The following SLC24A3 variants were observed in gnomAD, a reference collection of about 807,000 sequenced individuals.
The protein encoded by SLC24A3 is sodium/potassium/calcium exchanger 3.
Under a neutral mutation model 75.8 loss-of-function variants are expected in SLC24A3, and 28 were observed. The observed-to-expected ratio is 0.37, with a 90% CI of 0.27 to 0.51. The LOEUF (loss-of-function observed/expected upper bound fraction) is 0.51, where lower values mean the gene tolerates loss of function less well. Among genes scored for constraint, SLC24A3 ranks in the 20% least tolerant of loss-of-function variants. The probability of loss-of-function intolerance (pLI) is 0.94; values close to 1 mark genes in which losing one functional copy is unlikely to be tolerated. For missense variants in SLC24A3, 663 were observed against 847.8 expected (o/e 0.78, Z 2.71); for synonymous variants, 372 against 334.1 (o/e 1.11, Z -1.24).
chr20:19,339,153 T>C (rs1011885406), intron 2 of SLC24A3, among the ~76,000 whole-genome samples: 1 of 152,158 alleles, frequency 6.6e-6, no homozygotes, highest in African/African-American at 2.4e-5. Flanking sequence ...TTCCAGAGCT[T>C]CCTTTTATAC....
At chr20:19,280,846 G>T (rs1983638826) in intron 1 of SLC24A3, 113 bp from the exon 2 acceptor site, 1 of 1,435,956 alleles carries the variant, frequency 7.0e-7, no homozygotes. Context: ...AGTGGCTGGG[G>T]GTGCAGGCGG....
chr20:19,595,615 T>C (rs1327027700), intron 6 of SLC24A3, among the ~76,000 whole-genome samples: 1 of 152,152 alleles, frequency 6.6e-6, no homozygotes, highest in African/African-American at 2.4e-5. Flanking sequence ...CATGTGGACT[T>C]CCATTCACTG....
At chr20:19,489,770 A>G (rs1988180148) in intron 2 of SLC24A3, among the ~76,000 whole-genome samples, 1 of 132,358 alleles carries the variant, frequency 7.6e-6, no homozygotes, top group Non-Finnish European at 1.6e-5. Flanking sequence ...ATATGTTCAG[A>G]AAACAGTTCA....
chr20:19,699,159 A>G (rs977038205), intron 15 of SLC24A3, among the ~76,000 whole-genome samples: 1 of 152,242 alleles, frequency 6.6e-6, no homozygotes, highest in African/African-American at 2.4e-5. Flanking sequence ...TGCAGAAACA[A>G]TTGGTGGGCC....
At chr20:19,385,682 C>G (rs1986260865) in intron 2 of SLC24A3, among the ~76,000 whole-genome samples, 1 of 151,006 alleles carries the variant, frequency 6.6e-6, no homozygotes. Flanking sequence ...CACTATGTCA[C>G]CCAGGTTGGA....
intron 6 of SLC24A3, among the ~76,000 whole-genome samples, chr20:19,592,977 G>A (rs900285413): frequency 1.3e-5 from 2 of 151,824 alleles, no homozygotes; most frequent in African/African-American, 4.8e-5. Context: ...TGTATTTTTA[G>A]TAGGGACAGG....
At chr20:19,480,624 A>T (rs1294431474) in intron 2 of SLC24A3, among the ~76,000 whole-genome samples, 3 of 152,154 alleles carry the variant, frequency 2.0e-5, no homozygotes, top group Non-Finnish European at 4.4e-5. Context: ...CAGCTCCTGG[A>T]ACCCTGCTCA....
intron 2 of SLC24A3, among the ~76,000 whole-genome samples, chr20:19,367,173 G>A (rs1335946974): frequency 6.6e-6 from 1 of 152,238 alleles, no homozygotes; most frequent in Non-Finnish European, 1.5e-5. Flanking sequence ...CATGTAGCTA[G>A]TAGCTCCCAA....
At chr20:19,245,490 G>A (rs1235050066) in intron 1 of SLC24A3, among the ~76,000 whole-genome samples, 2 of 152,254 alleles carry the variant, frequency 1.3e-5, no homozygotes, top group East Asian at 3.9e-4. Context: ...TTTTGAAGAA[G>A]ACAGTCAATA....
intron 2 of SLC24A3, among the ~76,000 whole-genome samples, chr20:19,501,103 A>G (rs990213611): frequency 6.6e-6 from 1 of 152,188 alleles, no homozygotes; most frequent in East Asian, 1.9e-4. Context: ...CTTTGTGCCA[A>G]TGACACAAAC....
chr20:19,585,004 A>G lies in SLC24A3; in HGVS notation c.457A>G (p.Thr153Ala). 6.2e-7 allele frequency: 1 copy of G among 1,613,896 alleles called. No homozygotes were observed. The highest frequency in any genetic ancestry group is 8.5e-7 in the Non-Finnish European group (1 of 1,179,802). Residue 153 changes from threonine (T) to alanine (A), a missense_variant, in exon 5 of 17, where the codon ACA becomes GCA. Coordinates refer to ENST00000328041, the MANE Select transcript of SLC24A3 (RefSeq NM_020689.4). ...CCTCAGTGAAGATGTGGCTGGGGCC[A>G]CATTCATGGCAGCGGGAAGTTCGGC... is the stretch of plus-strand genomic sequence containing the variant. ...LHLSEDVAGA[T>A]FMAAGSSAPE...
chr20:19,343,179 G>A (rs1985314581), intron 2 of SLC24A3, among the ~76,000 whole-genome samples: 1 of 151,800 alleles, frequency 6.6e-6, no homozygotes, highest in Non-Finnish European at 1.5e-5. Context: ...CCCATAGTTT[G>A]TTCTGGAACT....
rs577657722 is a variant in SLC24A3, at chr20:19,639,704, C to T, written c.613-14358C>T. On this transcript the variant is annotated intron_variant, in intron 6 of 16. Transcript: ENST00000328041. ...GGGGCGGCGCTCAATGGGGAGGCTC[C>T]GGCCGCACAGGAGCCCATGGAGTGG... Among the ~76,000 whole-genome samples, 65 of 152,320 alleles carry T rather than the reference C, an allele frequency of 4.3e-4. 1 individual carries two copies. Among genetic ancestry groups the T allele is most frequent in the African/African-American group, 1.4e-3 (59 of 41,576 alleles).
chr20:19,449,236 G>T (rs574661866), intron 2 of SLC24A3, among the ~76,000 whole-genome samples: 33 of 152,318 alleles, frequency 2.2e-4, no homozygotes, highest in Admixed American at 1.4e-3. Flanking sequence ...CTGAGGGCCA[G>T]CTCCCCTGCA....
chr20:19,312,031 C>T (rs1051582845), intron 2 of SLC24A3, among the ~76,000 whole-genome samples: 3 of 152,158 alleles, frequency 2.0e-5, no homozygotes, highest in Non-Finnish European at 4.4e-5. Flanking sequence ...AGGAAATGAG[C>T]CTCTAATATA....
intron 2 of SLC24A3, among the ~76,000 whole-genome samples, chr20:19,481,688 G>T (rs986358732): frequency 3.9e-5 from 6 of 152,070 alleles, no homozygotes; most frequent in African/African-American, 1.4e-4. Context: ...AAGTGTCCAG[G>T]GGGATTCCCT....
chr20:19,562,155 T>TG (rs903478057), intron 3 of SLC24A3, among the ~76,000 whole-genome samples: 2 of 152,182 alleles, frequency 1.3e-5, no homozygotes. Context: ...GGAAGGTAAC[T>TG]GGAAGCATGA....
At chr20:19,693,233 C>CT in intron 12 of SLC24A3, 26 bp from the exon 13 acceptor site, 1 of 1,579,856 alleles carries the variant, frequency 6.3e-7, no homozygotes, top group Non-Finnish European at 8.6e-7. Context: ...TTTTTTATTT[C>CT]TTTTTGGCCT....
At position 19,311,635 on chromosome 20, in the gene SLC24A3, C is replaced by T. The variant is rs533730892; in HGVS notation, c.271+30548C>T. On this transcript the variant is annotated intron_variant, in intron 2 of 16. Coordinates refer to ENST00000328041, the MANE Select transcript of SLC24A3 (RefSeq NM_020689.4). ...CAGGAGGAGGCAGTGTTTGAGTCAACAAGTGTCCCCAAAGGAAAACAGTTA... is the reference window on the plus strand; with the variant it reads ...CAGGAGGAGGCAGTGTTTGAGTCAATAAGTGTCCCCAAAGGAAAACAGTTA... Among the ~76,000 whole-genome samples, 15 of 152,174 alleles carry T rather than the reference C, an allele frequency of 9.9e-5. No individual in the cohort carries two copies. The South Asian group carries it at 1.9e-3, about 19-fold the overall frequency.
Sources: gnomAD v4.1 joint callset for allele counts (sites outside exome capture counted in the v4.1 genomes callset) on GRCh38, gnomAD v4.1.1 for gene constraint, MANE v1.5 for transcripts, NCBI Gene and HGNC (gene_info 2026-07-23, HGNC 2026-07-21) for gene names.